Variants in ATP6V0A2 observed in about 807,000 individuals in gnomAD.
ATP6V0A2 encodes V-type proton ATPase 116 kDa subunit a 2.
A neutral mutation model predicts 104.4 loss-of-function variants in ATP6V0A2; 58 were observed. The observed-to-expected ratio is 0.56, with a 90% CI of 0.45 to 0.69. ATP6V0A2 has a LOEUF of 0.69. Among genes scored for constraint, ATP6V0A2 ranks in the 30% least tolerant of loss-of-function variants. The pLI, the probability that ATP6V0A2 is intolerant of heterozygous loss-of-function variation, is 0.00. For synonymous variants in ATP6V0A2, 376 were observed against 397.9 expected, an observed-to-expected ratio of 0.95 and a Z score of 0.65; for missense variants, 938 against 1,062.9, an observed-to-expected ratio of 0.88 and a Z score of 1.63.
At chr12:123,740,593 G>C (rs770444217) in intron 9 of ATP6V0A2, among the ~76,000 whole-genome samples, 1 of 152,134 alleles carries the variant, frequency 6.6e-6, no homozygotes, top group Non-Finnish European at 1.5e-5. Flanking sequence ...TTTCATAAAC[G>C]TTCTCCTGAA....
chr12:123,744,134 T>G lies in ATP6V0A2; in HGVS notation c.1190-67T>G. On this transcript the variant is annotated intron_variant, in intron 10 of 19. Transcript: ENST00000330342. The surrounding 1 kb of genome is among the most constrained non-coding windows in gnomAD (Gnocchi z 5.4). ...AAGTCAAGATTGTTATGTATCATTG[T>G]GTTTGAATGAACTCAGGTTTTCCAT... 6.3e-7 allele frequency: 1 copy of G among 1,594,016 alleles called. No individual in the cohort carries two copies. Among genetic ancestry groups the G allele is most frequent in the Admixed American group, 1.7e-5 (1 of 60,014 alleles).
intron 18 of ATP6V0A2, among the ~76,000 whole-genome samples, chr12:123,755,385 A>T (rs562751675): frequency 6.6e-6 from 1 of 152,006 alleles, no homozygotes; most frequent in South Asian, 2.1e-4. Context: ...AAAATACAAA[A>T]ATTAGCTGGT....
Position 123,722,291 on chromosome 12 carries a change from C to T in ATP6V0A2, c.197-60C>T, listed in dbSNP as rs897574706. The T allele has an allele frequency of 1.5e-5, 16 of 1,075,824 alleles. No homozygotes were observed. In the African/African-American group the frequency reaches 2.5e-4, roughly 17 times the overall value. 66.6% of individuals were successfully genotyped at this position (1,075,824 alleles called of 1,614,324 possible). The stretch of plus-strand genomic sequence containing the variant: ...GGAAACATTGGGCTTTAAAATGTTT[C>T]TGACTGAAATGTATTATAGTACATT... On this transcript the variant is annotated intron_variant, in intron 2 of 19. Transcript: ENST00000330342.
Position 123,735,363 on chromosome 12 carries a change from T to C in ATP6V0A2, c.732-168T>C, listed in dbSNP as rs2271661. Among the ~76,000 whole-genome samples, 91,141 of 151,992 alleles carry C rather than the reference T, an allele frequency of 0.6. 27,985 individuals carry two copies. Among genetic ancestry groups the C allele is most frequent in the East Asian group, 0.95 (4,901 of 5,182 alleles). On this transcript the variant is annotated intron_variant, in intron 7 of 19. Transcript: ENST00000330342. ...ATTTATCTCACTCAGCAGGTGCTTGTTGAGCATCTGTATGCACAGCCCGAC... is the reference window on the plus strand; with the variant it reads ...ATTTATCTCACTCAGCAGGTGCTTGCTGAGCATCTGTATGCACAGCCCGAC...
chr12:123,723,790 G>T (rs544153568), intron 3 of ATP6V0A2: 2 of 152,270 alleles, frequency 1.3e-5, no homozygotes, highest in East Asian at 3.9e-4. Context: ...TCAATTAATT[G>T]TGTAAATGTG....
At chr12:123,754,399 A>G (rs1433088799) in intron 17 of ATP6V0A2, 21 bp from the exon 18 acceptor site, 1 of 1,528,518 alleles carries the variant, frequency 6.5e-7, no homozygotes, top group Non-Finnish European at 9.1e-7. Flanking sequence ...CTCTTAACAT[A>G]TGTTGTGTGA....
At position 123,758,876 on chromosome 12, in the gene ATP6V0A2, GTT is replaced by G. The variant is rs1956787683; in HGVS notation, c.*848_*849del. The G allele has an allele frequency of 6.6e-6, 1 of 152,236 alleles. No individual in the cohort carries two copies. The highest frequency in any genetic ancestry group is 1.5e-5 in the Non-Finnish European group (1 of 68,022). The allele number at this position is 152,236 out of a possible 1,614,324, so 9.4% of individuals were successfully genotyped here. A position where few individuals can be genotyped will look rare whatever the true frequency, so the allele number is the denominator to read the frequency against. On this transcript the variant is annotated 3_prime_UTR_variant, in exon 20 of 20. Coordinates refer to ENST00000330342, the MANE Select transcript of ATP6V0A2 (RefSeq NM_012463.4). Reference sequence around the variant, plus strand: ...TACCTAGAATTACAAGTAGAGGATTGTTTTTACAATTTTGTCTTGTTTTAGTA... The same window carrying G: ...TACCTAGAATTACAAGTAGAGGATTGTTTACAATTTTGTCTTGTTTTAGTA...
At chr12:123,753,645 G>A (rs1956737151) in intron 17 of ATP6V0A2, among the ~76,000 whole-genome samples, 1 of 152,220 alleles carries the variant, frequency 6.6e-6, no homozygotes, top group Non-Finnish European at 1.5e-5. Flanking sequence ...AGACTTTTGG[G>A]AACATAATTC....
chr12:123,736,756 T>A (rs563327540), intron 8 of ATP6V0A2, among the ~76,000 whole-genome samples: 1 of 152,146 alleles, frequency 6.6e-6, no homozygotes, highest in Admixed American at 6.5e-5. Context: ...TGGTAGGCCA[T>A]CACGCTGCCG....
intron 4 of ATP6V0A2, among the ~76,000 whole-genome samples, chr12:123,725,835 A>G (rs1039754936): frequency 1.3e-5 from 2 of 151,946 alleles, no homozygotes; most frequent in Non-Finnish European, 2.9e-5. Context: ...AATAAAGAAT[A>G]GTCCATGTAG....
intron 2 of ATP6V0A2, among the ~76,000 whole-genome samples, chr12:123,720,975 T>C (rs1168216702): frequency 6.6e-6 from 1 of 152,170 alleles, no homozygotes; most frequent in Non-Finnish European, 1.5e-5. Context: ...TAAGACAGTT[T>C]CTTTTCTTTT....
In ATP6V0A2 at chr12:123,760,627, G is replaced by A. The variant is rs1234890951; in HGVS notation, c.*2595G>A. ...CACGACATTTCTCAGTTTTTATTTA[G>A]ATGTTTATTACCATGTGTTAACAGA... On this transcript the variant is annotated 3_prime_UTR_variant, in exon 20 of 20. Transcript: ENST00000330342. The A allele has an allele frequency of 6.6e-6, 1 of 152,182 alleles. No individual in the cohort carries two copies. Among genetic ancestry groups the A allele is most frequent in the East Asian group, 1.9e-4 (1 of 5,204 alleles). The allele number at this position is 152,182 out of a possible 1,614,324, so 9.4% of individuals were successfully genotyped here.
chr12:123,741,173 G>A (rs1956605589), intron 9 of ATP6V0A2, among the ~76,000 whole-genome samples: 1 of 152,036 alleles, frequency 6.6e-6, no homozygotes. Flanking sequence ...AACTCACGCT[G>A]GTAATCCCAG....
At chr12:123,740,879 CCTT>C (rs1956602862) in intron 9 of ATP6V0A2, among the ~76,000 whole-genome samples, 1 of 151,630 alleles carries the variant, frequency 6.6e-6, no homozygotes, top group South Asian at 2.1e-4. Flanking sequence ...TTTCCTAATT[CCTT>C]CTTGAGTTCT....
chr12:123,722,564 G>T, intron 3 of ATP6V0A2, 116 bp downstream of exon 3: 1 of 727,568 alleles, frequency 1.4e-6, no homozygotes, highest in Non-Finnish European at 2.5e-6. Flanking sequence ...GGAAGATGGT[G>T]ATCTCTCTAG....
At position 123,744,201 on chromosome 12, in the gene ATP6V0A2, C is replaced by T; in HGVS notation, c.1190C>T (p.Ala397Val). 6.2e-7 allele frequency: 1 copy of T among 1,614,202 alleles called. No homozygotes were observed. ...AAATCTCTTTCCCTTTTTTCTGCAGCTCTCTTTACCATCATCACCTTCCCG... is the reference window on the plus strand; with the variant it reads ...AAATCTCTTTCCCTTTTTTCTGCAGTTCTCTTTACCATCATCACCTTCCCG... ...GVGSYREVNP[A>V]LFTIITFPFL... The change falls in exon 11 of 20, where the codon GCT becomes GTT. Residue 397 changes from alanine (A) to valine (V), a missense_variant and splice_region_variant. By Grantham distance (64) the Ala-to-Val change is moderately conservative. Transcript: ENST00000330342. This position sits in a 1 kb window ranked among gnomAD's most constrained non-coding sequence, Gnocchi z 5.4.
At chr12:123,729,322 G>GTTTTTTTTTTTTTTTTTTTTTTTTTT (rs71308012) in intron 6 of ATP6V0A2, among the ~76,000 whole-genome samples, 1 of 113,888 alleles carries the variant, frequency 8.8e-6, no homozygotes, top group Non-Finnish European at 1.7e-5. Context: ...CAAGGAGGCT[G>GTTTTTTTTTTTTTTTTTTTTTTTTTT]TTTTTTTTTT....
intron 3 of ATP6V0A2, 68 bp downstream of exon 3, chr12:123,722,516 G>C: frequency 1.1e-6 from 1 of 907,288 alleles, no homozygotes; most frequent in Non-Finnish European, 1.9e-6. Context: ...CTTATTTCAT[G>C]TTGTCTAATG....
intron 13 of ATP6V0A2, 74 bp from the exon 14 acceptor site, chr12:123,747,533 A>G (rs1167657989): frequency 3.1e-6 from 3 of 976,458 alleles, no homozygotes; most frequent in East Asian, 2.4e-5. Context: ...TCAAGTTAAG[A>G]CAGGAACTTT....
Sources: gnomAD v4.1 joint callset for allele counts (sites outside exome capture counted in the v4.1 genomes callset) on GRCh38, gnomAD v4.1.1 for gene constraint, Gnocchi (gnomAD v3.1) non-coding constraint, MANE v1.5 for transcripts, NCBI Gene and HGNC (gene_info 2026-07-23, HGNC 2026-07-21) for gene names.